The following ACTR3C variants were observed in gnomAD, a reference collection of about 807,000 sequenced individuals.
The protein encoded by ACTR3C is actin-related protein 3C.
In ACTR3C, 18 loss-of-function variants were observed where a neutral mutation model predicts 26.3. The ratio of observed to expected loss-of-function variants is 0.68; its 90% CI spans 0.47 to 1.01. ACTR3C has a LOEUF of 1.01. Among genes scored for constraint, ACTR3C ranks in the 50% least tolerant of loss-of-function variants. The probability of loss-of-function intolerance (pLI) is 0.00; values close to 1 mark genes in which losing one functional copy is unlikely to be tolerated. For synonymous variants in ACTR3C, 55 were observed against 94.5 expected (o/e 0.58, Z 2.42); for missense variants, 184 against 250.7 (o/e 0.73, Z 1.80).
chr7:150,034,407 A>G, the ACTR3C span, among the ~76,000 whole-genome samples: 1 of 151,636 alleles, frequency 6.6e-6, no homozygotes, highest in Non-Finnish European at 1.5e-5. Flanking sequence ...TGGGGCTGCC[A>G]GAAGATTTTC....
chr7:150,036,202 G>A, the ACTR3C span, among the ~76,000 whole-genome samples: 1 of 146,296 alleles, frequency 6.8e-6, no homozygotes, highest in African/African-American at 2.5e-5. Flanking sequence ...GGGGGGAAGA[G>A]GGGATGGATC....
At chr7:150,037,736 CTGG>C in the ACTR3C span, among the ~76,000 whole-genome samples, 2 of 41,490 alleles carry the variant, frequency 4.8e-5, no homozygotes, top group Admixed American at 5.9e-4. Context: ...GGAAGAGGGT[CTGG>C]CTCTCAGTCC....
chr7:150,052,019 T>A, the ACTR3C span, among the ~76,000 whole-genome samples: 1 of 152,232 alleles, frequency 6.6e-6, no homozygotes, highest in African/African-American at 2.4e-5. Context: ...GACTGTTTTT[T>A]CTTTTCCAAA....
the ACTR3C span, among the ~76,000 whole-genome samples, chr7:150,111,843 G>A: frequency 2.7e-5 from 4 of 147,572 alleles, no homozygotes; most frequent in South Asian, 8.6e-4. Context: ...TTTTCTGCGC[G>A]GAGAAATCCC....
chr7:150,033,898 C>G, the ACTR3C span, among the ~76,000 whole-genome samples: 16 of 151,348 alleles, frequency 1.1e-4, no homozygotes, highest in African/African-American at 3.6e-4. Context: ...GGGGCTCGCT[C>G]TCAGTCCCCG....
the ACTR3C span, among the ~76,000 whole-genome samples, chr7:150,179,502 CTTATT>C: frequency 2.0e-5 from 3 of 147,272 alleles, no homozygotes; most frequent in African/African-American, 7.9e-5. Context: ...TTCTTTTTGT[CTTATT>C]TTATTTTTAT....
At chr7:149,990,511 C>T in the ACTR3C span, among the ~76,000 whole-genome samples, 3 of 122,702 alleles carry the variant, frequency 2.4e-5, no homozygotes, top group African/African-American at 9.5e-5. Context: ...TATAAACACG[C>T]ACCAAGGATA....
the ACTR3C span, among the ~76,000 whole-genome samples, chr7:150,022,496 G>A: frequency 1.3e-5 from 2 of 151,634 alleles, no homozygotes; most frequent in Non-Finnish European, 2.9e-5. Flanking sequence ...ATCATAAACT[G>A]AGCTGGAACT....
At chr7:150,091,124 T>C in the ACTR3C span, among the ~76,000 whole-genome samples, 2,453 of 147,596 alleles carry the variant, frequency 0.017, 64 homozygotes, top group African/African-American at 0.058. Context: ...TTCCATCTCA[T>C]TAGCAGGAGA....
chr7:150,072,714 G>A, the ACTR3C span, among the ~76,000 whole-genome samples: 6 of 152,194 alleles, frequency 3.9e-5, no homozygotes, highest in African/African-American at 1.4e-4. Context: ...AGGCAGGCAG[G>A]CAGGCAGCCA....
intron 6 of ACTR3C, among the ~76,000 whole-genome samples, chr7:150,275,639 A>G (rs1270905559): frequency 6.6e-6 from 1 of 151,870 alleles, no homozygotes; most frequent in Non-Finnish European, 1.5e-5. Flanking sequence ...TGAATCCAGG[A>G]GGCAGAGGTT....
the ACTR3C span, among the ~76,000 whole-genome samples, chr7:149,945,087 C>G: frequency 6.6e-6 from 1 of 151,628 alleles, no homozygotes; most frequent in African/African-American, 2.4e-5. Flanking sequence ...TCAGGTTCCC[C>G]AGAAGCAGAG....
the ACTR3C span, among the ~76,000 whole-genome samples, chr7:150,116,289 A>G: frequency 6.6e-6 from 1 of 152,188 alleles, no homozygotes; most frequent in African/African-American, 2.4e-5. Context: ...CTGAAGTTGC[A>G]CCTGCTCCAA....
At chr7:150,233,812 C>A in the ACTR3C span, among the ~76,000 whole-genome samples, 1 of 151,914 alleles carries the variant, frequency 6.6e-6, no homozygotes, top group African/African-American at 2.4e-5. Flanking sequence ...AAATTTGTGT[C>A]AAATCTGAGT....
At chr7:150,137,874 C>T in the ACTR3C span, among the ~76,000 whole-genome samples, 6 of 152,296 alleles carry the variant, frequency 3.9e-5, no homozygotes, top group African/African-American at 1.4e-4. Flanking sequence ...CTGCTATAGT[C>T]TTATACTGCT....
At chr7:149,924,825 G>A in the ACTR3C span, among the ~76,000 whole-genome samples, 1 of 151,834 alleles carries the variant, frequency 6.6e-6, no homozygotes, top group African/African-American at 2.4e-5. Context: ...ACAGGGTTTT[G>A]CCATGTTGGC....
At chr7:150,213,678 G>C in the ACTR3C span, among the ~76,000 whole-genome samples, 1 of 152,028 alleles carries the variant, frequency 6.6e-6, no homozygotes, top group Non-Finnish European at 1.5e-5. Context: ...GGAAAGAATA[G>C]AAAAGGAGAC....
the ACTR3C span, among the ~76,000 whole-genome samples, chr7:149,993,289 C>T: frequency 1.3e-5 from 2 of 151,836 alleles, no homozygotes; most frequent in Non-Finnish European, 2.9e-5. Context: ...TTCACCATCA[C>T]GGCAACAGAA....
chr7:150,126,775 G>T, the ACTR3C span, among the ~76,000 whole-genome samples: 5 of 152,302 alleles, frequency 3.3e-5, no homozygotes, highest in African/African-American at 1.2e-4. Flanking sequence ...GACCTGCATA[G>T]GTAAGTCCCC....
Sources: allele counts gnomAD v4.1 joint callset (sites outside exome capture counted in the v4.1 genomes callset), GRCh38; gene constraint gnomAD v4.1.1; transcripts MANE v1.5; gene names NCBI Gene and HGNC (gene_info 2026-07-23, HGNC 2026-07-21).